ST6GALNAC5: variants seen among roughly 807,000 people sequenced by gnomAD.
ST6GALNAC5 encodes the protein alpha-N-acetylgalactosaminide alpha-2,6-sialyltransferase 5.
In ST6GALNAC5, 27 loss-of-function variants were observed where a neutral mutation model predicts 33.6. That is an observed-to-expected ratio of 0.80 (90% CI 0.59 to 1.11). ST6GALNAC5 has a LOEUF of 1.11. Among genes scored for constraint, ST6GALNAC5 ranks in the 50% least tolerant of loss-of-function variants. ST6GALNAC5 has a pLI of 0.00. For missense variants in ST6GALNAC5, 428 were observed against 454.0 expected, an observed-to-expected ratio of 0.94 and a Z score of 0.52; for synonymous variants, 194 against 171.2, an observed-to-expected ratio of 1.13 and a Z score of -1.04.
intron 2 of ST6GALNAC5, among the ~76,000 whole-genome samples, chr1:76,982,633 C>T (rs1222810776): frequency 6.6e-6 from 1 of 152,108 alleles, no homozygotes; most frequent in Non-Finnish European, 1.5e-5. Context: ...GCAAGGCAGG[C>T]CAACATTCAA....
intron 2 of ST6GALNAC5, among the ~76,000 whole-genome samples, chr1:76,975,579 G>A (rs948773246): frequency 2.0e-4 from 30 of 152,154 alleles, no homozygotes; most frequent in Non-Finnish European, 1.2e-4. Context: ...TATGTGAATG[G>A]AGATTAACAG....
At chr1:76,873,466 C>G (rs915131168) in intron 2 of ST6GALNAC5, among the ~76,000 whole-genome samples, 6 of 152,140 alleles carry the variant, frequency 3.9e-5, no homozygotes, top group Non-Finnish European at 7.3e-5. Flanking sequence ...ACAACAATAT[C>G]TAAAATTTAA....
At chr1:76,946,761 T>C (rs1432390208) in intron 2 of ST6GALNAC5, among the ~76,000 whole-genome samples, 1 of 152,190 alleles carries the variant, frequency 6.6e-6, no homozygotes, top group Non-Finnish European at 1.5e-5. Context: ...TGTGTCTAAA[T>C]TTAATGATGC....
intron 2 of ST6GALNAC5, among the ~76,000 whole-genome samples, chr1:76,944,419 A>C (rs1224123274): frequency 6.6e-6 from 1 of 152,014 alleles, no homozygotes; most frequent in Non-Finnish European, 1.5e-5. Flanking sequence ...TGAGTACAGA[A>C]AGCTATTTAG....
At chr1:76,912,518 G>T (rs1472636317) in intron 2 of ST6GALNAC5, among the ~76,000 whole-genome samples, 1 of 151,850 alleles carries the variant, frequency 6.6e-6, no homozygotes, top group Non-Finnish European at 1.5e-5. Flanking sequence ...TAATGTTACA[G>T]TGGGGTGTTA....
chr1:76,996,568 A>G (rs1316493839), intron 2 of ST6GALNAC5, among the ~76,000 whole-genome samples: 2 of 152,206 alleles, frequency 1.3e-5, no homozygotes, highest in Non-Finnish European at 2.9e-5. Context: ...TGGTTTGCAC[A>G]AACGTTAACA....
At chr1:76,912,990 G>T (rs1403248239) in intron 2 of ST6GALNAC5, among the ~76,000 whole-genome samples, 1 of 152,064 alleles carries the variant, frequency 6.6e-6, no homozygotes, top group Non-Finnish European at 1.5e-5. Context: ...TTGCTCATTA[G>T]TTGATGCAGT....
At chr1:76,942,849 T>C (rs1391772892) in intron 2 of ST6GALNAC5, among the ~76,000 whole-genome samples, 1 of 152,112 alleles carries the variant, frequency 6.6e-6, no homozygotes, top group African/African-American at 2.4e-5. Context: ...CAGCTGCATA[T>C]CTAGACAGAA....
intron 2 of ST6GALNAC5, among the ~76,000 whole-genome samples, chr1:76,937,430 A>G (rs1159112397): frequency 6.6e-6 from 1 of 152,110 alleles, no homozygotes; most frequent in Non-Finnish European, 1.5e-5. Flanking sequence ...ACCCTTAAAA[A>G]GCATGTTAAC....
At chr1:76,959,889 T>G (rs567677875) in intron 2 of ST6GALNAC5, among the ~76,000 whole-genome samples, 185 of 152,316 alleles carry the variant, frequency 1.2e-3, no homozygotes, top group Middle Eastern at 3.4e-3. Flanking sequence ...CTTTGAAAGC[T>G]TCTATCCTGA....
chr1:77,033,618 T>C (rs1349246910), intron 2 of ST6GALNAC5, among the ~76,000 whole-genome samples: 2 of 152,048 alleles, frequency 1.3e-5, no homozygotes, highest in East Asian at 3.9e-4. Flanking sequence ...ATCGTTGTTA[T>C]AGAATAAGTG....
At chr1:76,988,645 TC>T (rs1238390728) in intron 2 of ST6GALNAC5, among the ~76,000 whole-genome samples, 14 of 152,158 alleles carry the variant, frequency 9.2e-5, no homozygotes, top group Non-Finnish European at 1.9e-4. Flanking sequence ...TTAAATGAAA[TC>T]CTTTGACTTC....
At chr1:76,879,304 A>G (rs567864851) in intron 2 of ST6GALNAC5, among the ~76,000 whole-genome samples, 1 of 152,292 alleles carries the variant, frequency 6.6e-6, no homozygotes, top group East Asian at 1.9e-4. Context: ...TAACCAAGCA[A>G]ATAAACTATT....
At chr1:77,049,692 C>T (rs1271753484) in intron 3 of ST6GALNAC5, among the ~76,000 whole-genome samples, 4 of 152,080 alleles carry the variant, frequency 2.6e-5, no homozygotes, top group Non-Finnish European at 4.4e-5. Context: ...GGTCATTAGC[C>T]CATACCCAAA....
chr1:76,940,657 C>G lies in ST6GALNAC5; in HGVS notation c.261+71915C>G, dbSNP rs188729475. Among the ~76,000 whole-genome samples the G allele has an allele frequency of 2.8e-3, 426 of 152,106 alleles. 7 individuals are homozygous for G. The highest frequency in any genetic ancestry group is 4.6e-3 in the Non-Finnish European group (315 of 67,962). ...AGGGACCAAAATCTGGTTCTTTGCC[C>G]CAGCTAGAGAAAGTCTGCTGGACCC... is the stretch of plus-strand genomic sequence containing the variant. On this transcript the variant is annotated intron_variant, in intron 2 of 4. Coordinates refer to ENST00000477717, the MANE Select transcript of ST6GALNAC5 (RefSeq NM_030965.3).
chr1:77,007,232 G>A (rs1006869668), intron 2 of ST6GALNAC5, among the ~76,000 whole-genome samples: 2 of 152,130 alleles, frequency 1.3e-5, no homozygotes, highest in Non-Finnish European at 2.9e-5. Flanking sequence ...GTGAACTCAG[G>A]GTTATCTGAA....
intron 2 of ST6GALNAC5, among the ~76,000 whole-genome samples, chr1:76,886,056 C>T (rs918603087): frequency 2.4e-4 from 37 of 152,190 alleles, no homozygotes; most frequent in Middle Eastern, 3.2e-3. Context: ...ATTTTCCCGG[C>T]TTCTGCTCCG....
chr1:76,915,909 GATA>G (rs59803213), intron 2 of ST6GALNAC5, among the ~76,000 whole-genome samples: 2,492 of 149,512 alleles, frequency 0.017, 19 homozygotes, highest in Middle Eastern at 0.053. Context: ...AACTTCCTTG[GATA>G]ATAATAATAA....
intron 2 of ST6GALNAC5, among the ~76,000 whole-genome samples, chr1:76,930,187 C>G (rs1441875585): frequency 6.6e-6 from 1 of 152,110 alleles, no homozygotes; most frequent in African/African-American, 2.4e-5. Context: ...ATCTGTCTTT[C>G]ATTCTTTGTC....
Sources: allele counts gnomAD v4.1 joint callset (sites outside exome capture counted in the v4.1 genomes callset), GRCh38; gene constraint gnomAD v4.1.1; transcripts MANE v1.5; gene names NCBI Gene and HGNC (gene_info 2026-07-23, HGNC 2026-07-21).